Variants in UBE2D2 observed in about 807,000 individuals in gnomAD.
UBE2D2 encodes ubiquitin-conjugating enzyme E2 D2.
Under a neutral mutation model 24.2 loss-of-function variants are expected in UBE2D2, and 2 were observed. That is an observed-to-expected ratio of 0.08 (90% CI 0.03 to 0.26). The LOEUF (loss-of-function observed/expected upper bound fraction) is 0.26. UBE2D2 is among the 10% of genes least tolerant of loss of function. The pLI is 1.00. For synonymous variants in UBE2D2, 58 were observed against 56.5 expected (o/e 1.03, Z -0.12); for missense variants, 44 against 177.6 (o/e 0.25, Z 4.28).
intron 2 of UBE2D2, among the ~76,000 whole-genome samples, chr5:139,602,522 A>T (rs1754101828): frequency 1.3e-5 from 2 of 152,100 alleles, no homozygotes; most frequent in African/African-American, 2.4e-5. Context: ...ACAAAAAAAT[A>T]CAAAAATTAG....
At chr5:139,534,292 G>A (rs1371355775) in intron 1 of UBE2D2, among the ~76,000 whole-genome samples, 1 of 151,344 alleles carries the variant, frequency 6.6e-6, no homozygotes, top group Non-Finnish European at 1.5e-5. Context: ...ATTAGCCAGG[G>A]GCAGTGGCTC....
chr5:139,605,892 C>T (rs1754189756), intron 2 of UBE2D2, among the ~76,000 whole-genome samples: 1 of 151,444 alleles, frequency 6.6e-6, no homozygotes, highest in South Asian at 2.1e-4. Context: ...GTACATGCCC[C>T]TACACCCCTG....
chr5:139,541,129 C>A (rs968147530), intron 1 of UBE2D2, among the ~76,000 whole-genome samples: 3 of 151,754 alleles, frequency 2.0e-5, no homozygotes, highest in African/African-American at 7.3e-5. Flanking sequence ...GAAACACTGT[C>A]TCTACTAAAA....
rs140003752 is a variant in UBE2D2 at position 139,528,625 on chromosome 5, A to G, written c.-64+2013A>G. ...CCTAAACATAAAGTCCCCCCATGCT[A>G]TGGTGATTTTAATAAATAACAAAGG... On this transcript the variant is annotated intron_variant, in intron 1 of 6. Transcript: ENST00000511725. Among the ~76,000 whole-genome samples, 335 of 152,330 alleles carry G rather than the reference A, an allele frequency of 2.2e-3. 2 individuals are homozygous for G. Among genetic ancestry groups the G allele is most frequent in the African/African-American group, 7.7e-3 (321 of 41,572 alleles).
At chr5:139,614,061 C>CAAA (rs34610126) in intron 2 of UBE2D2, among the ~76,000 whole-genome samples, 9 of 89,214 alleles carry the variant, frequency 1.0e-4, no homozygotes, top group Non-Finnish European at 1.9e-4. Flanking sequence ...GACTCTGTCT[C>CAAA]AAAAAAAAAA....
intron 1 of UBE2D2, among the ~76,000 whole-genome samples, chr5:139,574,100 G>A (rs1278469078): frequency 7.1e-6 from 1 of 141,288 alleles, no homozygotes; most frequent in Admixed American, 7.0e-5. Context: ...TTTTTTTTGA[G>A]ACGAAGTTTC....
At chr5:139,596,552 A>G (rs1447940465) in intron 1 of UBE2D2, among the ~76,000 whole-genome samples, 1 of 151,482 alleles carries the variant, frequency 6.6e-6, no homozygotes, top group African/African-American at 2.4e-5. Context: ...TTGGCCTCCC[A>G]AAGTGCTGGG....
intron 1 of UBE2D2, among the ~76,000 whole-genome samples, chr5:139,534,805 T>C (rs1012379252): frequency 6.6e-6 from 1 of 152,072 alleles, no homozygotes; most frequent in African/African-American, 2.4e-5. Context: ...ATTTGTACAA[T>C]AATATTTCCT....
At chr5:139,550,214 G>A (rs1165401559) in intron 1 of UBE2D2, among the ~76,000 whole-genome samples, 6 of 143,928 alleles carry the variant, frequency 4.2e-5, no homozygotes, top group South Asian at 2.2e-4. Context: ...GTTTGTAAAC[G>A]CATCAATCAG....
chr5:139,614,501 G>T, intron 2 of UBE2D2, 85 bp from the exon 3 acceptor site: 1 of 1,449,014 alleles, frequency 6.9e-7, no homozygotes, highest in Admixed American at 1.8e-5. Context: ...AATGAATTTG[G>T]ATTAGAAGGG....
At chr5:139,563,031 G>A (rs941828162) in intron 1 of UBE2D2, among the ~76,000 whole-genome samples, 3 of 152,256 alleles carry the variant, frequency 2.0e-5, no homozygotes, top group East Asian at 1.9e-4. Flanking sequence ...TCCTGTCTCT[G>A]CCTCCCTTAA....
intron 5 of UBE2D2, among the ~76,000 whole-genome samples, chr5:139,621,783 C>G (rs1337298329): frequency 2.0e-5 from 3 of 152,062 alleles, no homozygotes; most frequent in African/African-American, 7.2e-5. Flanking sequence ...CCACCACATC[C>G]AGCTAATATT....
intron 1 of UBE2D2, among the ~76,000 whole-genome samples, chr5:139,534,368 C>T (rs1752637993): frequency 6.6e-6 from 1 of 151,928 alleles, no homozygotes; most frequent in African/African-American, 2.4e-5. Context: ...AGATCGAGAC[C>T]ATCCTGGCTA....
intron 1 of UBE2D2, among the ~76,000 whole-genome samples, chr5:139,585,111 G>A (rs907974416): frequency 2.6e-5 from 4 of 151,552 alleles, no homozygotes; most frequent in Non-Finnish European, 5.9e-5. Context: ...TGTTGGTTAG[G>A]CTGGTCTCGA....
At chr5:139,561,885 T>G in intron 1 of UBE2D2, 70 bp downstream of exon 1, 1 of 1,437,906 alleles carries the variant, frequency 7.0e-7, no homozygotes, top group East Asian at 2.7e-5. Context: ...CCCGCCGTAG[T>G]CTCCGTCGGG....
intron 1 of UBE2D2, among the ~76,000 whole-genome samples, chr5:139,530,538 T>C (rs1344873366): frequency 6.6e-6 from 1 of 152,210 alleles, no homozygotes; most frequent in Non-Finnish European, 1.5e-5. Flanking sequence ...AATCATACAG[T>C]TGCAAGCTGT....
At chr5:139,534,677 G>T (rs1282013174) in intron 1 of UBE2D2, among the ~76,000 whole-genome samples, 2 of 151,700 alleles carry the variant, frequency 1.3e-5, no homozygotes, top group Non-Finnish European at 2.9e-5. Flanking sequence ...CTGAGGTTGT[G>T]GTGAGCAGAG....
intron 2 of UBE2D2, among the ~76,000 whole-genome samples, chr5:139,613,137 T>G (rs936262944): frequency 6.6e-6 from 1 of 152,224 alleles, no homozygotes; most frequent in Non-Finnish European, 1.5e-5. Context: ...CTTTAACCCC[T>G]AATCAACAAG....
chr5:139,603,975 G>A (rs536339200), intron 2 of UBE2D2, among the ~76,000 whole-genome samples: 1 of 151,860 alleles, frequency 6.6e-6, no homozygotes, highest in African/African-American at 2.4e-5. Context: ...CTCTCCCAAA[G>A]CTAATCAGTA....
Sources: gnomAD v4.1 joint callset for allele counts (sites outside exome capture counted in the v4.1 genomes callset) on GRCh38, gnomAD v4.1.1 for gene constraint, MANE v1.5 for transcripts, NCBI Gene and HGNC (gene_info 2026-07-23, HGNC 2026-07-21) for gene names.